Variants in SYNRG observed in about 807,000 individuals in gnomAD.
The protein encoded by SYNRG is AP1 gamma subunit binding protein 1.
In SYNRG, 37 loss-of-function variants were observed where a neutral mutation model predicts 130.9. The ratio of observed to expected loss-of-function variants is 0.28; its 90% CI spans 0.22 to 0.37. The LOEUF (loss-of-function observed/expected upper bound fraction) is 0.37. Among genes scored for constraint, SYNRG ranks in the 10% least tolerant of loss-of-function variants. The pLI, the probability that SYNRG is intolerant of heterozygous loss-of-function variation, is 1.00. For synonymous variants in SYNRG, 539 were observed against 568.1 expected (o/e 0.95, Z 0.73); for missense variants, 1,338 against 1,588.9 (o/e 0.84, Z 2.68).
chr17:37,552,145 G>A (rs918965286), intron 14 of SYNRG, among the ~76,000 whole-genome samples: 1 of 152,150 alleles, frequency 6.6e-6, no homozygotes, highest in Non-Finnish European at 1.5e-5. Flanking sequence ...AAACTTGGAA[G>A]TGTCTCACGT....
chr17:37,601,704 G>A (rs765835960), intron 1 of SYNRG, among the ~76,000 whole-genome samples: 3 of 151,932 alleles, frequency 2.0e-5, no homozygotes, highest in East Asian at 2.0e-4. Context: ...TGCTCTTGTC[G>A]TCCAGGTTGG....
chr17:37,559,596 A>G (rs2059374481), intron 13 of SYNRG, among the ~76,000 whole-genome samples: 1 of 152,202 alleles, frequency 6.6e-6, no homozygotes, highest in South Asian at 2.1e-4. Context: ...AGTCTGAGAA[A>G]GAAGAATCGC....
intron 19 of SYNRG, among the ~76,000 whole-genome samples, chr17:37,523,045 A>G (rs537614671): frequency 5.3e-5 from 8 of 152,302 alleles, no homozygotes; most frequent in Non-Finnish European, 7.4e-5. Context: ...TTGCCCTGTG[A>G]TAGACATAAA....
chr17:37,547,492 C>T (rs1172989503), intron 14 of SYNRG, among the ~76,000 whole-genome samples: 11 of 147,972 alleles, frequency 7.4e-5, no homozygotes, highest in African/African-American at 2.5e-5. Flanking sequence ...GATGGAGTCT[C>T]GCTCTGTCGC....
chr17:37,538,186 G>C, intron 18 of SYNRG, 138 bp downstream of exon 18: 1 of 606,984 alleles, frequency 1.6e-6, no homozygotes, highest in Non-Finnish European at 2.8e-6. Context: ...TGTAGCTTGA[G>C]TGTCTTACCC....
intron 8 of SYNRG, among the ~76,000 whole-genome samples, chr17:37,573,487 C>A (rs539342712): frequency 6.6e-6 from 1 of 151,904 alleles, no homozygotes; most frequent in Non-Finnish European, 1.5e-5. Context: ...AGGAAGAGGG[C>A]GAAAGTAAAG....
intron 15 of SYNRG, 49 bp downstream of exon 15, chr17:37,541,923 T>C: frequency 4.0e-6 from 6 of 1,510,430 alleles, no homozygotes; most frequent in Non-Finnish European, 4.5e-6. Flanking sequence ...ATCTAACATC[T>C]CAGTGGAAAA....
chr17:37,527,812 TC>T (rs994820604), intron 19 of SYNRG, among the ~76,000 whole-genome samples: 4 of 150,812 alleles, frequency 2.7e-5, no homozygotes, highest in South Asian at 2.1e-4. Flanking sequence ...TGGAACCAAT[TC>T]CCCCCCCATG....
chr17:37,519,525 G>A (rs114535213), intron 21 of SYNRG, among the ~76,000 whole-genome samples: 170 of 151,850 alleles, frequency 1.1e-3, no homozygotes, highest in African/African-American at 3.4e-3. Flanking sequence ...GTTAGAGAAC[G>A]AGAGAGTTAG....
At chr17:37,577,329 T>C in intron 7 of SYNRG, 51 bp downstream of exon 7, 1 of 1,525,294 alleles carries the variant, frequency 6.6e-7, no homozygotes, top group Non-Finnish European at 9.1e-7. Context: ...TGTTAGCATT[T>C]GAGCAACATT....
Position 37,520,716 on chromosome 17 carries a change from A to G in SYNRG, c.3667-68T>C, listed in dbSNP as rs562786608. The G allele has an allele frequency of 3.0e-6, 4 of 1,312,986 alleles. No individual in the cohort carries two copies. The South Asian group carries it at 3.6e-5, about 12-fold the overall frequency. 81.3% of individuals were successfully genotyped at this position (1,312,986 alleles called of 1,614,324 possible). A position where few individuals can be genotyped will look rare whatever the true frequency, so the allele number is the denominator to read the frequency against. ...CACACGCTGTTCACTTCACTCCCTCATCACTCACCCCCAGCAGGCCTAGCG... is the reference window on the plus strand; with the variant it reads ...CACACGCTGTTCACTTCACTCCCTCGTCACTCACCCCCAGCAGGCCTAGCG... On this transcript the variant is annotated intron_variant, in intron 19 of 21. Transcript: ENST00000612223.
At chr17:37,535,626 T>C (rs1368821515) in intron 19 of SYNRG, among the ~76,000 whole-genome samples, 1 of 152,200 alleles carries the variant, frequency 6.6e-6, no homozygotes, top group Non-Finnish European at 1.5e-5. Context: ...AGGTATCATA[T>C]AGCTTTTTGA....
intron 9 of SYNRG, 66 bp downstream of exon 9, chr17:37,571,725 A>G: frequency 6.9e-7 from 1 of 1,443,580 alleles, no homozygotes; most frequent in Middle Eastern, 1.8e-4. Flanking sequence ...GTAGTAAAAA[A>G]GATTTCATAT....
chr17:37,524,737 T>G (rs1407764365), intron 19 of SYNRG, among the ~76,000 whole-genome samples: 1 of 152,266 alleles, frequency 6.6e-6, no homozygotes, highest in African/African-American at 2.4e-5. Flanking sequence ...ATATCTCAGA[T>G]GGACATAAAA....
At chr17:37,590,731 G>A (rs2062101184) in intron 3 of SYNRG, among the ~76,000 whole-genome samples, 1 of 152,106 alleles carries the variant, frequency 6.6e-6, no homozygotes, top group African/African-American at 2.4e-5. Context: ...GACCAGCCTG[G>A]CCGACATGGT....
chr17:37,577,668 T>C, intron 6 of SYNRG, 55 bp from the exon 7 acceptor site: 1 of 1,420,828 alleles, frequency 7.0e-7, no homozygotes, highest in South Asian at 1.2e-5. Flanking sequence ...TCTAATCTTT[T>C]TAACCATCCA....
rs546253195 is a variant in SYNRG, at chr17:37,586,674, T to A, written c.241-125A>T. The A allele has an allele frequency of 2.8e-4, 313 of 1,102,184 alleles. No homozygotes were observed. In the African/African-American group the frequency reaches 4.7e-3, roughly 17 times the overall value. 68.3% of individuals were successfully genotyped at this position (1,102,184 alleles called of 1,614,324 possible). A position where few individuals can be genotyped will look rare whatever the true frequency, so the allele number is the denominator to read the frequency against. ...TGTAAAAAATAGAAATATATTGGAT[T>A]AAAAGATGCAAAGATGCAAATAAAT... On this transcript the variant is annotated intron_variant, in intron 3 of 21. Transcript: ENST00000612223.
intron 11 of SYNRG, chr17:37,567,631 A>T (rs547053644): frequency 2.0e-5 from 3 of 152,326 alleles, no homozygotes; most frequent in Non-Finnish European, 4.4e-5. Flanking sequence ...CATTTAATAT[A>T]TTTTTAAAAT....
rs35053528 is a variant in SYNRG at position 37,547,463 on chromosome 17, C to CTTT, written c.2609-4901_2609-4899dup. Among the ~76,000 whole-genome samples the CTTT allele has an allele frequency of 6.9e-4, 96 of 139,020 alleles. 1 individual carries two copies. Among genetic ancestry groups the CTTT allele is most frequent in the African/African-American group, 2.5e-3 (95 of 37,894 alleles). The allele number at this position is 139,020 out of a possible 152,430, so 91.2% of individuals were successfully genotyped here. ...GTGTTCCCTTCATGTTCATTTGCTGCTTTTTTTTTTTTTTTGGAGATGGAG... is the reference window on the plus strand; with the variant it reads ...GTGTTCCCTTCATGTTCATTTGCTGCTTTTTTTTTTTTTTTTTTGGAGATGGAG... On this transcript the variant is annotated intron_variant, in intron 14 of 21. Transcript: ENST00000612223.
Sources: gnomAD v4.1 joint callset for allele counts (sites outside exome capture counted in the v4.1 genomes callset) on GRCh38, gnomAD v4.1.1 for gene constraint, MANE v1.5 for transcripts, NCBI Gene and HGNC (gene_info 2026-07-23, HGNC 2026-07-21) for gene names.